Variants in BICC1 observed in about 807,000 individuals in gnomAD.
The protein encoded by BICC1 is protein bicaudal C homolog 1.
BICC1 carries 43 observed loss-of-function variants against 111.0 expected under a neutral mutation model. The ratio of observed to expected loss-of-function variants is 0.39; its 90% CI spans 0.30 to 0.50. The LOEUF (loss-of-function observed/expected upper bound fraction) is 0.50. Ranked by LOEUF, BICC1 falls within the 20% of genes least tolerant of loss-of-function variation. The pLI is 0.88. For missense variants in BICC1, 1,091 were observed against 1,203.2 expected (o/e 0.91, Z 1.38); for synonymous variants, 467 against 434.4 (o/e 1.07, Z -0.93).
At chr10:58,816,831 G>A (rs890055647) in intron 18 of BICC1, among the ~76,000 whole-genome samples, 5 of 150,648 alleles carry the variant, frequency 3.3e-5, no homozygotes, top group Non-Finnish European at 5.9e-5. Flanking sequence ...CGTCACCAGC[G>A]CTTGCTTGTC....
At chr10:58,764,312 C>G (rs1842398464) in intron 3 of BICC1, among the ~76,000 whole-genome samples, 1 of 152,076 alleles carries the variant, frequency 6.6e-6, no homozygotes, top group Admixed American at 6.5e-5. Flanking sequence ...TACCTAGAGA[C>G]CCTAGACTGA....
At chr10:58,520,913 A>G (rs971330466) in intron 1 of BICC1, among the ~76,000 whole-genome samples, 1 of 152,098 alleles carries the variant, frequency 6.6e-6, no homozygotes, top group Non-Finnish European at 1.5e-5. Flanking sequence ...AGTTTGTACC[A>G]TATGTCAGGT....
At chr10:58,589,236 C>G (rs1844525430) in intron 1 of BICC1, among the ~76,000 whole-genome samples, 1 of 152,126 alleles carries the variant, frequency 6.6e-6, no homozygotes, top group Non-Finnish European at 1.5e-5. Flanking sequence ...CACCTCCCTA[C>G]CAGCGCCTCC....
In BICC1 at chr10:58,796,418, A is replaced by G. The variant is rs955403267; in HGVS notation, c.1258A>G (p.Ser420Gly). The change falls in exon 10 of 21, where the codon AGT becomes GGT. Residue 420 changes from serine to glycine, a missense_variant. Physicochemically the swap from Ser to Gly is moderately conservative, Grantham distance 56. This residue lies in a region of BICC1 where 843 missense variants were observed against 900.8 expected (regional missense o/e 0.94). Coordinates refer to ENST00000373886, the MANE Select transcript of BICC1 (RefSeq NM_001080512.3). ...GAAATGTCTCCTCGGACTTGAAAGC[A>G]GTGGGGTTACCATAGCAACCAGTCC... ...ARKCLLGLES[S>G]GVTIATSPSP... 2.5e-5 allele frequency: 41 copies of G among 1,614,014 alleles called. 1 individual carries two copies. Among genetic ancestry groups the G allele is most frequent in the Non-Finnish European group, 3.3e-5 (39 of 1,180,008 alleles).
chr10:58,669,015 A>G (rs1839100628), intron 2 of BICC1, among the ~76,000 whole-genome samples: 1 of 152,148 alleles, frequency 6.6e-6, no homozygotes, highest in African/African-American at 2.4e-5. Flanking sequence ...TAGTTTGTAT[A>G]GTAAGAGAAA....
rs550532002 is a variant in BICC1, at chr10:58,673,265, T to C, written c.238-28809T>C. The stretch of plus-strand genomic sequence containing the variant: ...CATACATGTAGAGTGCAGTAGGTAT[T>C]TTCTACCATGCTGTACCAAATTCAA... On this transcript the variant is annotated intron_variant, in intron 2 of 20. Transcript: ENST00000373886. Among the ~76,000 whole-genome samples the C allele has an allele frequency of 2.0e-5, 3 of 152,326 alleles. No homozygotes were observed. In the East Asian group the frequency reaches 5.8e-4, roughly 29 times the overall value.
intron 1 of BICC1, among the ~76,000 whole-genome samples, chr10:58,590,644 C>A (rs1306183929): frequency 6.6e-6 from 1 of 152,002 alleles, no homozygotes; most frequent in Non-Finnish European, 1.5e-5. Flanking sequence ...GAAATTCTAC[C>A]AGACTTAAAA....
chr10:58,785,808 G>A (rs1005167161), intron 4 of BICC1, among the ~76,000 whole-genome samples: 2 of 152,178 alleles, frequency 1.3e-5, no homozygotes, highest in African/African-American at 4.8e-5. Context: ...AAGTGGAGAG[G>A]TGGGATTCAA....
chr10:58,731,707 G>GGA (rs60117655), intron 3 of BICC1, among the ~76,000 whole-genome samples: 2 of 147,776 alleles, frequency 1.4e-5, no homozygotes, highest in Admixed American at 6.7e-5. Context: ...CAGGACAAGG[G>GGA]GAGAGAGAGA....
chr10:58,649,357 C>T (rs543597152), intron 2 of BICC1, among the ~76,000 whole-genome samples: 114 of 152,266 alleles, frequency 7.5e-4, no homozygotes, highest in African/African-American at 2.6e-3. Context: ...AAGTAGGTAT[C>T]ACTGAATGAA....
rs779325574 is a variant in BICC1 at position 58,803,250 on chromosome 10, T to C, written c.2181+8T>C. On this transcript the variant is annotated splice_region_variant and intron_variant, in intron 15 of 20. Coordinates refer to ENST00000373886, the MANE Select transcript of BICC1 (RefSeq NM_001080512.3). ...TCATATGTCAACATGCAGGTAATGGTAATAAAATAGGAAAGCCACTCAAAT... is the reference window on the plus strand; with the variant it reads ...TCATATGTCAACATGCAGGTAATGGCAATAAAATAGGAAAGCCACTCAAAT... 6 of 1,575,188 alleles carry C rather than the reference T, an allele frequency of 3.8e-6. No homozygotes were observed. Among genetic ancestry groups the C allele is most frequent in the African/African-American group, 1.4e-5 (1 of 73,904 alleles).
At chr10:58,632,861 G>GATGGATAGATA (rs1564522722) in intron 2 of BICC1, among the ~76,000 whole-genome samples, 1 of 150,702 alleles carries the variant, frequency 6.6e-6, no homozygotes, top group South Asian at 2.1e-4. Flanking sequence ...ATAGATAGAT[G>GATGGATAGATA]GATAGATAGA....
chr10:58,805,499 A>G (rs1843683813), intron 15 of BICC1, among the ~76,000 whole-genome samples: 2 of 152,204 alleles, frequency 1.3e-5, no homozygotes, highest in Admixed American at 1.3e-4. Context: ...TTAACTCCCA[A>G]TGCCATTTTA....
intron 3 of BICC1, among the ~76,000 whole-genome samples, chr10:58,766,447 T>A (rs1842458244): frequency 6.6e-6 from 1 of 152,172 alleles, no homozygotes; most frequent in African/African-American, 2.4e-5. Flanking sequence ...AAGCATACAC[T>A]TTTTTATTTA....
At chr10:58,792,632 C>A (rs2132826538) in intron 8 of BICC1, among the ~76,000 whole-genome samples, 1 of 152,308 alleles carries the variant, frequency 6.6e-6, no homozygotes, top group Admixed American at 6.5e-5. Context: ...AGGTTGCATG[C>A]TCCTTAGGAG....
At chr10:58,660,083 T>C (rs1159214068) in intron 2 of BICC1, among the ~76,000 whole-genome samples, 2 of 152,182 alleles carry the variant, frequency 1.3e-5, no homozygotes, top group East Asian at 1.9e-4. Context: ...GAGCTCCTCA[T>C]TGTCAGCTGC....
At chr10:58,694,033 C>T (rs879689460) in intron 2 of BICC1, among the ~76,000 whole-genome samples, 2 of 152,020 alleles carry the variant, frequency 1.3e-5, no homozygotes, top group Admixed American at 6.6e-5. Context: ...CCCTTCCTTG[C>T]TCATATCAAT....
chr10:58,777,647 A>G (rs1167189517), intron 3 of BICC1, among the ~76,000 whole-genome samples: 1 of 151,998 alleles, frequency 6.6e-6, no homozygotes, highest in Non-Finnish European at 1.5e-5. Flanking sequence ...AATTTGCCAT[A>G]CTTGGTTTCT....
intron 1 of BICC1, among the ~76,000 whole-genome samples, chr10:58,534,554 C>G (rs1842778223): frequency 1.3e-5 from 2 of 151,562 alleles, no homozygotes; most frequent in African/African-American, 4.8e-5. Flanking sequence ...ACATTAAAGT[C>G]ATACCCTCAA....
Sources: allele counts gnomAD v4.1 joint callset (sites outside exome capture counted in the v4.1 genomes callset), GRCh38; gene constraint gnomAD v4.1.1; regional missense constraint gnomAD v4.1.1; transcripts MANE v1.5; gene names NCBI Gene and HGNC (gene_info 2026-07-23, HGNC 2026-07-21).